The following DVL1 variants were observed in gnomAD, a reference collection of about 807,000 sequenced individuals.
The protein encoded by DVL1 is dishevelled segment polarity protein 1, also known as segment polarity protein dishevelled homolog DVL-1.
In DVL1, 49 loss-of-function variants were observed where a neutral mutation model predicts 65.0. The ratio of observed to expected loss-of-function variants is 0.75; its 90% CI spans 0.60 to 0.96. DVL1 has a LOEUF of 0.96. DVL1 is among the 40% of genes least tolerant of loss of function. The pLI, the probability that DVL1 is intolerant of heterozygous loss-of-function variation, is 0.00. For synonymous variants in DVL1, 608 were observed against 433.9 expected (o/e 1.40, Z -4.99); for missense variants, 1,197 against 1,045.4 (o/e 1.15, Z -2.00).
chr1:1,342,582 G>A (rs552962067), intron 2 of DVL1, 98 bp from the exon 3 acceptor site: 1,189 of 1,572,768 alleles, frequency 7.6e-4, no homozygotes, highest in Non-Finnish European at 8.9e-4. Flanking sequence ...TGCCCTATCC[G>A]CACCCAGCCT....
rs777561432 is a variant in DVL1 at position 1,342,041 on chromosome 1, T to G, written c.466+12A>C. 6.4e-7 allele frequency: 1 copy of G among 1,559,380 alleles called. No homozygotes were observed. The highest frequency in any genetic ancestry group is 1.9e-5 in the Admixed American group (1 of 53,020). On this transcript the variant is annotated intron_variant, in intron 4 of 14. Coordinates refer to ENST00000378888, the MANE Select transcript of DVL1 (RefSeq NM_001330311.2). ...CTGGGGGTCCACAGCTGGGCAGACA[T>G]GACCACTGTACCCTCCTCGCGGTTC...
At chr1:1,339,553 C>A (rs1643712410) in intron 10 of DVL1, 29 bp downstream of exon 10, 1 of 1,585,472 alleles carries the variant, frequency 6.3e-7, no homozygotes, top group Non-Finnish European at 8.6e-7. Context: ...CCTCCCCATC[C>A]CGCCCCGTGT....
At position 1,340,445 on chromosome 1, in the gene DVL1, G is replaced by A. The variant is rs1423455706; in HGVS notation, c.664C>T (p.Arg222Trp). The A allele has an allele frequency of 1.1e-5, 17 of 1,611,910 alleles. No individual in the cohort carries two copies. Among genetic ancestry groups the A allele is most frequent in the East Asian group, 2.2e-5 (1 of 44,824 alleles). ...SSRLIRKHKRRRRKQRLRQAD... is the reference protein window; with the variant it reads ...SSRLIRKHKRWRRKQRLRQAD... ...TGCCGAAGGCGCTGCTTCCTCCGCCGGCGTTTGTGCTTCCGGATGAGTCTG... is the reference window on the plus strand; with the variant it reads ...TGCCGAAGGCGCTGCTTCCTCCGCCAGCGTTTGTGCTTCCGGATGAGTCTG... The change falls in exon 6 of 15, where the codon CGG becomes TGG. Residue 222 changes from arginine to tryptophan, a missense_variant. Physicochemically the swap from Arg to Trp is moderately radical, Grantham distance 101. Transcript: ENST00000378888.
chr1:1,344,624 G>A (rs1334804915), intron 1 of DVL1, among the ~76,000 whole-genome samples: 6 of 152,144 alleles, frequency 3.9e-5, no homozygotes, highest in Non-Finnish European at 2.9e-5. Context: ...AGCAGAGAAG[G>A]TCACTTCTCA....
chr1:1,342,346 G>A lies in DVL1; in HGVS notation c.362+17C>T, dbSNP rs1049540744. 1.5e-5 allele frequency: 23 copies of A among 1,559,128 alleles called. No homozygotes were observed. The highest frequency in any genetic ancestry group is 8.1e-5 in the African/African-American group (6 of 73,718). ...CAGGCTTGGGGTAGCAGGGCCCAGC[G>A]CCCACGGTGTCCTTACTGGAAGGAG... On this transcript the variant is annotated intron_variant, in intron 3 of 14. Coordinates refer to ENST00000378888, the MANE Select transcript of DVL1 (RefSeq NM_001330311.2).
At chr1:1,336,861 A>AT (rs989202620) in intron 14 of DVL1, among the ~76,000 whole-genome samples, 12 of 152,106 alleles carry the variant, frequency 7.9e-5, no homozygotes, top group African/African-American at 2.9e-4. Flanking sequence ...GCCATCCTGG[A>AT]TTCCCCACCC....
At position 1,338,540 on chromosome 1, in the gene DVL1, T is replaced by C. The variant is rs1251325606; in HGVS notation, c.1321A>G (p.Ile441Val). Residue 441 changes from isoleucine (I) to valine (V), a missense_variant, in exon 12 of 15, where the codon ATC (isoleucine) becomes GTC (valine). Coordinates refer to ENST00000378888, the MANE Select transcript of DVL1 (RefSeq NM_001330311.2). Reference protein sequence around the residue: ...IRDRMWLKITIANAVIGADVV... With the variant: ...IRDRMWLKITVANAVIGADVV... ...CACTCACCGATGACGGCATTGGCGA[T>C]GGTGATCTTGAGCCACATGCGGTCG... The C allele has an allele frequency of 6.2e-7, 1 of 1,612,612 alleles. No homozygotes were observed. The highest frequency in any genetic ancestry group is 1.7e-5 in the Admixed American group (1 of 60,006).
rs200080641 is a variant in DVL1, at chr1:1,340,508, G to C, written c.606-5C>G. ...TGCTCCGTGGAGCTGCTGAGCCTGG[G>C]AACAGACTGTCAGAGCTCAGAGGAG... On this transcript the variant is annotated splice_region_variant and splice_polypyrimidine_tract_variant and intron_variant, in intron 5 of 14. Coordinates refer to ENST00000378888, the MANE Select transcript of DVL1 (RefSeq NM_001330311.2). The C allele has an allele frequency of 2.5e-6, 4 of 1,597,986 alleles. No individual in the cohort carries two copies. The highest frequency in any genetic ancestry group is 3.5e-5 in the Admixed American group (2 of 56,910).
chr1:1,342,776 C>A lies in DVL1; in HGVS notation c.171-18G>T, dbSNP rs531738165. On this transcript the variant is annotated intron_variant, in intron 1 of 14. Transcript: ENST00000378888. Reference sequence around the variant, plus strand: ...TCACCACCCTGTGGGCATATGCTGCCGTGAGGCCCCACCTGGGGGGCCCAA... The same window carrying A: ...TCACCACCCTGTGGGCATATGCTGCAGTGAGGCCCCACCTGGGGGGCCCAA... 3 of 1,611,952 alleles carry A rather than the reference C, an allele frequency of 1.9e-6. No homozygotes were observed. The highest frequency in any genetic ancestry group is 1.6e-4 in the Middle Eastern group (1 of 6,072).
intron 14 of DVL1, among the ~76,000 whole-genome samples, chr1:1,336,727 A>G (rs915531788): frequency 6.6e-6 from 1 of 152,176 alleles, no homozygotes; most frequent in Non-Finnish European, 1.5e-5. Flanking sequence ...AGTGGGAGGC[A>G]GGCAGGGTCC....
At position 1,340,334 on chromosome 1, in the gene DVL1, C is replaced by A; in HGVS notation, c.700-18G>T. 1 of 1,613,908 alleles carries A rather than the reference C, an allele frequency of 6.2e-7. No homozygotes were observed. The highest frequency in any genetic ancestry group is 2.2e-5 in the East Asian group (1 of 44,878). On this transcript the variant is annotated intron_variant, in intron 6 of 14. Transcript: ENST00000378888. ...GAGGAGGCCTATGGAGGAGAGGGGG[C>A]GTGTGTAAAAGGCACGGGGCTGCCC...
At chr1:1,347,615 C>T (rs766855698) in intron 1 of DVL1, among the ~76,000 whole-genome samples, 4 of 152,216 alleles carry the variant, frequency 2.6e-5, no homozygotes, top group Admixed American at 6.5e-5. Flanking sequence ...GAATAATAAA[C>T]TAAGTCAAAA....
chr1:1,348,782 C>A, intron 1 of DVL1, 114 bp downstream of exon 1: 1 of 932,966 alleles, frequency 1.1e-6, no homozygotes, highest in Non-Finnish European at 1.4e-6. Context: ...AGGCGCGTCG[C>A]GGTCGCAGGT....
Position 1,339,277 on chromosome 1 carries a change from T to C in DVL1, c.1207+10A>G, listed in dbSNP as rs1050607767. The stretch of plus-strand genomic sequence containing the variant: ...GGTTTCTGCTGGGGCCCTCAGGAGC[T>C]GCCACTTACGTGGAGCACCAGGCAC... On this transcript the variant is annotated intron_variant, in intron 11 of 14. Coordinates refer to ENST00000378888, the MANE Select transcript of DVL1 (RefSeq NM_001330311.2). 1.9e-6 allele frequency: 3 copies of C among 1,548,192 alleles called. No individual in the cohort carries two copies. Among genetic ancestry groups the C allele is most frequent in the Non-Finnish European group, 2.6e-6 (3 of 1,146,820 alleles).
rs1643679804 is a variant in DVL1 at position 1,338,762 on chromosome 1, C to CTGGACGGTGCGT, written c.1208-121_1208-110dup. 2.3e-5 allele frequency: 34 copies of CTGGACGGTGCGT among 1,467,654 alleles called. No individual in the cohort carries two copies. The South Asian group carries it at 4.6e-4, about 20-fold the overall frequency. The allele number at this position is 1,467,654 out of a possible 1,614,324, so 90.9% of individuals were successfully genotyped here. On this transcript the variant is annotated intron_variant, in intron 11 of 14. Transcript: ENST00000378888. ...GGCAGAGCCTGCGCCAGGGCGCAAG[C>CTGGACGGTGCGT]TGGACGGTGCGTGACAGCAGGGCCC...
intron 13 of DVL1, 40 bp downstream of exon 13, chr1:1,338,229 T>TTGCCCAC: frequency 6.6e-7 from 1 of 1,522,366 alleles, no homozygotes; most frequent in Non-Finnish European, 9.0e-7. Context: ...CCTCCGGCGT[T>TTGCCCAC]CCCCTCCCCC....
At chr1:1,348,618 G>A in intron 1 of DVL1, among the ~76,000 whole-genome samples, 1 of 152,144 alleles carries the variant, frequency 6.6e-6, no homozygotes, top group East Asian at 1.9e-4. Context: ...AAGCGATGCG[G>A]CCGACCGAGT....
rs752928982 is a variant in DVL1, at chr1:1,340,138, C to G, written c.809G>C (p.Ser270Thr). The G allele has an allele frequency of 1.2e-6, 2 of 1,613,498 alleles. No homozygotes were observed. The highest frequency in any genetic ancestry group is 1.7e-6 in the Non-Finnish European group (2 of 1,179,982). The change falls in exon 8 of 15, where the codon AGC (serine) becomes ACC (threonine). Residue 270 changes from serine (S) to threonine (T), a missense_variant. Ser to Thr is a moderately conservative substitution (Grantham distance 58). Transcript: ENST00000378888. ...HFLGISIVGQ[S>T]NDRGDGGIYI... ...GATGCCGCCGTCTCCACGGTCGTTG[C>G]TCTGCCCCACGATGCTGATGCCCAG...
rs775432698 is a variant in DVL1, at chr1:1,339,286, C to T, written c.1207+1G>A. The T allele has an allele frequency of 7.1e-6, 11 of 1,548,426 alleles. No individual in the cohort carries two copies. Among genetic ancestry groups the T allele is most frequent in the South Asian group, 3.6e-5 (3 of 83,970 alleles). ...TGGGGCCCTCAGGAGCTGCCACTTA[C>T]GTGGAGCACCAGGCACGGAGCTGGT... On this transcript the variant is annotated splice_donor_variant, in intron 11 of 14. Coordinates refer to ENST00000378888, the MANE Select transcript of DVL1 (RefSeq NM_001330311.2). LOFTEE classifies it high-confidence loss of function.
Sources: gnomAD v4.1 joint callset for allele counts (sites outside exome capture counted in the v4.1 genomes callset) on GRCh38, gnomAD v4.1.1 for gene constraint, MANE v1.5 for transcripts, NCBI Gene and HGNC (gene_info 2026-07-23, HGNC 2026-07-21) for gene names.